The following PPP1R3A variants were observed in gnomAD, a reference collection of about 807,000 sequenced individuals.
The protein encoded by PPP1R3A is protein phosphatase 1 regulatory subunit 3A.
PPP1R3A carries 29 observed loss-of-function variants against 41.7 expected under a neutral mutation model. The ratio of observed to expected loss-of-function variants is 0.70; its 90% CI spans 0.52 to 0.95. The LOEUF (loss-of-function observed/expected upper bound fraction) is 0.95. Ranked by LOEUF, PPP1R3A falls within the 40% of genes least tolerant of loss-of-function variation. PPP1R3A has a pLI of 0.00. For synonymous variants in PPP1R3A, 485 were observed against 453.4 expected, an observed-to-expected ratio of 1.07 and a Z score of -0.89; for missense variants, 1,352 against 1,292.4, an observed-to-expected ratio of 1.05 and a Z score of -0.71.
In PPP1R3A at chr7:113,877,115, GTA is replaced by G. The variant is rs1451367489; in HGVS notation, c.*606_*607del. 1 of 151,822 alleles carries G rather than the reference GTA, an allele frequency of 6.6e-6. No individual in the cohort carries two copies. Among genetic ancestry groups the G allele is most frequent in the Non-Finnish European group, 1.5e-5 (1 of 67,870 alleles). 9.4% of individuals were successfully genotyped at this position (151,822 alleles called of 1,614,324 possible). On this transcript the variant is annotated 3_prime_UTR_variant, in exon 4 of 4. Coordinates refer to ENST00000284601, the MANE Select transcript of PPP1R3A (RefSeq NM_002711.4). ...CCCTGACTTTGTAGCTATAAAGAAG[GTA>G]TGTGTGTGTGTGTGTGCATGCATCA...
chr7:113,908,361 C>T (rs1027019722), intron 1 of PPP1R3A, among the ~76,000 whole-genome samples: 11 of 151,706 alleles, frequency 7.3e-5, no homozygotes, highest in African/African-American at 2.4e-4. Context: ...TGTATTTTTT[C>T]CACAGAAAAA....
chr7:113,909,759 A>T (rs2129120245), intron 1 of PPP1R3A, among the ~76,000 whole-genome samples: 1 of 152,248 alleles, frequency 6.6e-6, no homozygotes, highest in Admixed American at 6.6e-5. Flanking sequence ...ATTTTAATGT[A>T]TAAGGATAGG....
intron 1 of PPP1R3A, among the ~76,000 whole-genome samples, chr7:113,906,554 T>C (rs1797149856): frequency 6.6e-6 from 1 of 151,600 alleles, no homozygotes; most frequent in African/African-American, 2.4e-5. Flanking sequence ...CATAAAGTAA[T>C]TTGCCACTTG....
At chr7:113,890,309 A>G (rs1391118920) in intron 1 of PPP1R3A, among the ~76,000 whole-genome samples, 1 of 152,066 alleles carries the variant, frequency 6.6e-6, no homozygotes, top group Non-Finnish European at 1.5e-5. Context: ...CTGCATCAGC[A>G]TCTCTGAGTG....
rs745388828 is a variant in PPP1R3A, at chr7:113,918,528, C to T, written c.469G>A (p.Val157Ile). The change falls in exon 1 of 4, where the codon GTA (valine) becomes ATA (isoleucine). Residue 157 changes from valine to isoleucine, a missense_variant. Physicochemically the swap from Val to Ile is conservative, Grantham distance 29. Coordinates refer to ENST00000284601, the MANE Select transcript of PPP1R3A (RefSeq NM_002711.4). ...RVLNVSFEKL[V>I]YVRMSLDDWQ... ...TCATCTAAAGACATTCTTACATATA[C>T]TAACTTCTCAAAAGAAACATTCAAA... 1.9e-6 allele frequency: 3 copies of T among 1,612,836 alleles called. No homozygotes were observed. Among genetic ancestry groups the T allele is most frequent in the South Asian group, 1.1e-5 (1 of 91,062 alleles).
In PPP1R3A at chr7:113,918,973, A is replaced by G; in HGVS notation, c.24T>C (p.Ser8=). MEPSEVP[S]QISKDNFLEV... is the part of the protein sequence containing the mutation. ...CTAAAAAATTATCTTTGCTAATCTG[A>G]CTAGGTACTTCAGAAGGCTCCATTG... Residue 8 remains serine (S), a synonymous_variant, in exon 1 of 4, where the codon AGT becomes AGC. Transcript: ENST00000284601. 1.9e-6 allele frequency: 3 copies of G among 1,612,862 alleles called. No individual in the cohort carries two copies. The highest frequency in any genetic ancestry group is 2.5e-6 in the Non-Finnish European group (3 of 1,179,034).
intron 1 of PPP1R3A, among the ~76,000 whole-genome samples, chr7:113,903,131 C>A (rs958585914): frequency 2.0e-5 from 3 of 151,644 alleles, no homozygotes; most frequent in Admixed American, 6.6e-5. Context: ...CCTATATATC[C>A]ATCTAAGAGG....
chr7:113,877,770 G>A lies in PPP1R3A; in HGVS notation c.3322C>T (p.Leu1108=), dbSNP rs757512723. 6.3e-7 allele frequency: 1 copy of A among 1,597,292 alleles called. No homozygotes were observed. Among genetic ancestry groups the A allele is most frequent in the African/African-American group, 1.3e-5 (1 of 74,344 alleles). The change falls in exon 4 of 4, where the codon CTA becomes TTA. Residue 1108 remains leucine (L), a synonymous_variant. Transcript: ENST00000284601. The part of the protein sequence containing the change: ...LTFYVLSLSW[L]SWEEGRQKES... ...TTTTGTCTACCCTCTTCCCAGGATA[G>A]CCAGGACAATGACAAAACGTAGAAT...
In PPP1R3A at chr7:113,918,450, C is replaced by T. The variant is rs1312500471; in HGVS notation, c.547G>A (p.Gly183Ser). 2.5e-6 allele frequency: 4 copies of T among 1,613,164 alleles called. No individual in the cohort carries two copies. The highest frequency in any genetic ancestry group is 2.2e-5 in the South Asian group (2 of 91,064). ...LAEYVPNSCD[G>S]ETDQFSFKIV... ...TTAAAGGAGAACTGGTCAGTTTCAC[C>T]ATCACATGAATTAGGAACATATTCT... The change falls in exon 1 of 4, where the codon GGT (glycine) becomes AGT (serine). Residue 183 changes from glycine (G) to serine (S), a missense_variant. Physicochemically the swap from Gly to Ser is moderately conservative, Grantham distance 56 (BLOSUM62 0). Coordinates refer to ENST00000284601, the MANE Select transcript of PPP1R3A (RefSeq NM_002711.4).
chr7:113,918,653 G>A lies in PPP1R3A; in HGVS notation c.344C>T (p.Ser115Leu), dbSNP rs1797382759. 4 of 1,613,602 alleles carry A rather than the reference G, an allele frequency of 2.5e-6. No individual in the cohort carries two copies. The highest frequency in any genetic ancestry group is 3.4e-6 in the Non-Finnish European group (4 of 1,179,780). Reference sequence around the variant, plus strand: ...GAGTTGTTGCATAAGATCTTCTTTTGAAGAAGGCAAGTCAAACAGTGGGGC... The same window carrying A: ...GAGTTGTTGCATAAGATCTTCTTTTAAAGAAGGCAAGTCAAACAGTGGGGC... ...VLAPLFDLPS[S>L]KEDLMQQLQI... The change falls in exon 1 of 4, where the codon TCA becomes TTA. Residue 115 changes from serine (S) to leucine (L), a missense_variant. By Grantham distance (145) the Ser-to-Leu change is moderately radical. Coordinates refer to ENST00000284601, the MANE Select transcript of PPP1R3A (RefSeq NM_002711.4).
At chr7:113,905,081 G>C (rs1406086094) in intron 1 of PPP1R3A, among the ~76,000 whole-genome samples, 1 of 151,536 alleles carries the variant, frequency 6.6e-6, no homozygotes, top group Non-Finnish European at 1.5e-5. Context: ...GTTCGCATGA[G>C]TATTAGGAAA....
At chr7:113,914,748 C>A (rs1303932642) in intron 1 of PPP1R3A, among the ~76,000 whole-genome samples, 4 of 152,096 alleles carry the variant, frequency 2.6e-5, no homozygotes, top group African/African-American at 9.7e-5. Context: ...GAAATCTCAA[C>A]CCCTATGAGA....
At chr7:113,916,367 T>C (rs569012253) in intron 1 of PPP1R3A, among the ~76,000 whole-genome samples, 12 of 152,072 alleles carry the variant, frequency 7.9e-5, no homozygotes, top group Non-Finnish European at 1.3e-4. Flanking sequence ...AATGTATGTG[T>C]GGATACATAT....
At chr7:113,910,730 A>G (rs1317162434) in intron 1 of PPP1R3A, among the ~76,000 whole-genome samples, 1 of 152,150 alleles carries the variant, frequency 6.6e-6, no homozygotes, top group Non-Finnish European at 1.5e-5. Flanking sequence ...AATTTTTAGA[A>G]ATGAAAATCA....
intron 1 of PPP1R3A, among the ~76,000 whole-genome samples, chr7:113,895,532 T>A (rs10250492): frequency 0.62 from 94,527 of 151,814 alleles, 30,006 homozygotes; most frequent in South Asian, 0.75. Flanking sequence ...ATATGTCTAG[T>A]ATTTACTCTA....
intron 1 of PPP1R3A, among the ~76,000 whole-genome samples, chr7:113,885,371 G>A (rs1796765582): frequency 6.6e-6 from 1 of 152,056 alleles, no homozygotes; most frequent in Non-Finnish European, 1.5e-5. Flanking sequence ...TACATTGCTG[G>A]TGGGAGAATA....
Position 113,882,073 on chromosome 7 carries a change from T to C in PPP1R3A, c.932A>G (p.His311Arg), listed in dbSNP as rs1721897574. 9.9e-6 allele frequency: 16 copies of C among 1,612,596 alleles called. No individual in the cohort carries two copies. The highest frequency in any genetic ancestry group is 1.3e-5 in the African/African-American group (1 of 74,852). ...TAATTCTTTTTCATTATGTTCATCATGTTCCCTGTTTACATCTTTTACATT... is the reference window on the plus strand; with the variant it reads ...TAATTCTTTTTCATTATGTTCATCACGTTCCCTGTTTACATCTTTTACATT... ...NRNVKDVNRE[H>R]DEHNEKELEL... Residue 311 changes from histidine (H) to arginine (R), a missense_variant, in exon 3 of 4, where the codon CAT (histidine) becomes CGT (arginine). Coordinates refer to ENST00000284601, the MANE Select transcript of PPP1R3A (RefSeq NM_002711.4).
Position 113,918,410 on chromosome 7 carries a change from G to T in PPP1R3A, c.587C>A (p.Pro196His). Residue 196 changes from proline (P) to histidine (H), a missense_variant, in exon 1 of 4, where the codon CCT becomes CAT. Coordinates refer to ENST00000284601, the MANE Select transcript of PPP1R3A (RefSeq NM_002711.4). The stretch of plus-strand genomic sequence containing the variant: ...TTTACTGCCATCTTTTTGATAAGGA[G>T]GAACCAATACAATCTTAAAGGAGAA... ...DQFSFKIVLVPPYQKDGSKVE... is the reference protein window; with the variant it reads ...DQFSFKIVLVHPYQKDGSKVE... The T allele has an allele frequency of 6.2e-7, 1 of 1,613,290 alleles. No homozygotes were observed. Among genetic ancestry groups the T allele is most frequent in the South Asian group, 1.1e-5 (1 of 91,058 alleles).
At chr7:113,900,658 C>T (rs1196675183) in intron 1 of PPP1R3A, among the ~76,000 whole-genome samples, 1 of 148,110 alleles carries the variant, frequency 6.8e-6, no homozygotes, top group Non-Finnish European at 1.5e-5. Flanking sequence ...TGTATATTTA[C>T]ATATTATATA....
Sources: gnomAD v4.1 joint callset for allele counts (sites outside exome capture counted in the v4.1 genomes callset) on GRCh38, gnomAD v4.1.1 for gene constraint, MANE v1.5 for transcripts, NCBI Gene and HGNC (gene_info 2026-07-23, HGNC 2026-07-21) for gene names.